Variants in MYO16 observed in about 807,000 individuals in gnomAD.
MYO16 encodes the protein unconventional myosin-XVI.
In MYO16, 94 loss-of-function variants were observed where a neutral mutation model predicts 205.3. That is an observed-to-expected ratio of 0.46 (90% CI 0.39 to 0.54). The LOEUF (loss-of-function observed/expected upper bound fraction) is 0.54, where lower values mean the gene tolerates loss of function less well. Among genes scored for constraint, MYO16 ranks in the 20% least tolerant of loss-of-function variants. MYO16 has a pLI of 0.00. For missense variants in MYO16, 2,315 were observed against 2,387.5 expected (o/e 0.97, Z 0.63); for synonymous variants, 988 against 954.0 (o/e 1.04, Z -0.66).
intron 12 of MYO16, among the ~76,000 whole-genome samples, chr13:108,875,043 A>G (rs2139148188): frequency 6.6e-6 from 1 of 152,278 alleles, no homozygotes; most frequent in Admixed American, 6.5e-5. Flanking sequence ...GAGAAATATA[A>G]TGACCAGTGA....
At chr13:109,173,953 G>GGC (rs572991693) in intron 33 of MYO16, among the ~76,000 whole-genome samples, 3 of 147,630 alleles carry the variant, frequency 2.0e-5, no homozygotes, top group East Asian at 2.0e-4. Context: ...TTGATGGGGG[G>GGC]GGGTACTCTC....
chr13:108,565,702 C>A, the MYO16 span, among the ~76,000 whole-genome samples: 224 of 152,144 alleles, frequency 1.5e-3, 1 homozygote, highest in African/African-American at 4.5e-3. Context: ...TCTAGCTAGA[C>A]CTTCCAGTAT....
rs555066373 is a variant in MYO16 at position 108,727,673 on chromosome 13, A to G, written c.507+90A>G. The G allele has an allele frequency of 6.8e-5, 98 of 1,445,512 alleles. No homozygotes were observed. In the Middle Eastern group the frequency reaches 2.0e-3, roughly 30 times the overall value. 89.5% of individuals were successfully genotyped at this position (1,445,512 alleles called of 1,614,324 possible). A position where few individuals can be genotyped will look rare whatever the true frequency, so the allele number is the denominator to read the frequency against. On this transcript the variant is annotated intron_variant, in intron 4 of 34. Transcript: ENST00000457511. Reference sequence around the variant, plus strand: ...CTAATGCTATTTTACAATATGTAATATTTTGGTTGAGAAAAATCTGCATAT... The same window carrying G: ...CTAATGCTATTTTACAATATGTAATGTTTTGGTTGAGAAAAATCTGCATAT...
At chr13:108,713,868 A>G (rs1169216837) in intron 3 of MYO16, among the ~76,000 whole-genome samples, 1 of 152,202 alleles carries the variant, frequency 6.6e-6, no homozygotes, top group East Asian at 1.9e-4. Context: ...TTTGGTTATG[A>G]AACGTCTCTG....
intron 1 of MYO16, among the ~76,000 whole-genome samples, chr13:108,598,089 C>T (rs986238373): frequency 6.6e-6 from 1 of 152,188 alleles, no homozygotes; most frequent in African/African-American, 2.4e-5. Context: ...GAGATAGCCG[C>T]TTTAGTGAGA....
intron 23 of MYO16, among the ~76,000 whole-genome samples, chr13:109,044,628 A>G (rs1886982173): frequency 6.6e-6 from 1 of 152,208 alleles, no homozygotes; most frequent in Non-Finnish European, 1.5e-5. Context: ...TGGAATAACT[A>G]CTAAAGTCAT....
At chr13:109,150,029 G>A (rs1266034322) in intron 32 of MYO16, among the ~76,000 whole-genome samples, 1 of 152,080 alleles carries the variant, frequency 6.6e-6, no homozygotes, top group Admixed American at 6.6e-5. Flanking sequence ...TCATAAGTGG[G>A]GTGTCAGATG....
intron 21 of MYO16, among the ~76,000 whole-genome samples, chr13:108,995,830 A>G (rs1417796297): frequency 6.6e-6 from 1 of 152,184 alleles, no homozygotes; most frequent in African/African-American, 2.4e-5. Flanking sequence ...TTCTTAATCC[A>G]GTCTATCATT....
At chr13:108,761,246 G>C (rs1885598788) in intron 4 of MYO16, among the ~76,000 whole-genome samples, 1 of 152,128 alleles carries the variant, frequency 6.6e-6, no homozygotes. Context: ...AAGCTCATCT[G>C]ACCTTGACCC....
the MYO16 span, among the ~76,000 whole-genome samples, chr13:108,563,433 TCTAA>T: frequency 3.3e-5 from 5 of 152,268 alleles, no homozygotes; most frequent in Admixed American, 6.5e-5. Flanking sequence ...ATTCATTCTT[TCTAA>T]CTAATTTTTT....
chr13:108,750,018 G>T (rs1259386917), intron 4 of MYO16, among the ~76,000 whole-genome samples: 1 of 152,102 alleles, frequency 6.6e-6, no homozygotes, highest in African/African-American at 2.4e-5. Flanking sequence ...CCAAATGAAA[G>T]AAGCCAGTTT....
intron 20 of MYO16, among the ~76,000 whole-genome samples, chr13:108,970,025 A>G (rs1427968413): frequency 6.6e-6 from 1 of 152,190 alleles, no homozygotes; most frequent in African/African-American, 2.4e-5. Flanking sequence ...AGTATTTGCC[A>G]TTCTTTTGCT....
intron 27 of MYO16, among the ~76,000 whole-genome samples, chr13:109,090,300 T>C (rs1888578525): frequency 6.6e-6 from 1 of 152,182 alleles, no homozygotes; most frequent in South Asian, 2.1e-4. Flanking sequence ...GCCTCAGCAC[T>C]CAGGAGGTGC....
intron 34 of MYO16, among the ~76,000 whole-genome samples, chr13:109,184,289 A>C (rs1310492772): frequency 2.0e-5 from 3 of 152,154 alleles, no homozygotes; most frequent in Non-Finnish European, 4.4e-5. Flanking sequence ...CGTACTCACC[A>C]CTCGTGACTT....
chr13:108,554,683 G>A, the MYO16 span, among the ~76,000 whole-genome samples: 1 of 151,568 alleles, frequency 6.6e-6, no homozygotes. Flanking sequence ...CCCCGTCTCT[G>A]CTAAAAATAC....
At chr13:108,675,448 A>G (rs1882160501) in intron 2 of MYO16, among the ~76,000 whole-genome samples, 1 of 152,372 alleles carries the variant, frequency 6.6e-6, no homozygotes, top group South Asian at 2.1e-4. Flanking sequence ...ATCCTGTATG[A>G]AGTGAATGTA....
the MYO16 span, among the ~76,000 whole-genome samples, chr13:108,516,341 C>G: frequency 6.6e-6 from 1 of 151,782 alleles, no homozygotes; most frequent in Non-Finnish European, 1.5e-5. Context: ...GGCTCGCGCA[C>G]GGTGCGCGCA....
intron 4 of MYO16, among the ~76,000 whole-genome samples, chr13:108,779,083 A>T (rs1029529335): frequency 1.3e-5 from 2 of 152,194 alleles, no homozygotes; most frequent in African/African-American, 2.4e-5. Flanking sequence ...TTTACCCTTC[A>T]GGACAGTCAA....
chr13:108,693,953 A>G (rs1450006837), intron 2 of MYO16, among the ~76,000 whole-genome samples: 1 of 152,230 alleles, frequency 6.6e-6, no homozygotes, highest in East Asian at 1.9e-4. Flanking sequence ...AAGTGAGAAT[A>G]TGTGGTATTT....
Sources: gnomAD v4.1 joint callset for allele counts (sites outside exome capture counted in the v4.1 genomes callset) on GRCh38, gnomAD v4.1.1 for gene constraint, MANE v1.5 for transcripts, NCBI Gene and HGNC (gene_info 2026-07-23, HGNC 2026-07-21) for gene names.